Variants in PHEX observed in about 807,000 individuals in gnomAD.
PHEX encodes the protein phosphate regulating endopeptidase X-linked, also known as phosphate-regulating neutral endopeptidase PHEX.
In PHEX, 16 loss-of-function variants were observed where a neutral mutation model predicts 68.0. That is an observed-to-expected ratio of 0.24 (90% CI 0.16 to 0.36). The LOEUF (loss-of-function observed/expected upper bound fraction) is 0.36, where lower values mean the gene tolerates loss of function less well. Ranked by LOEUF, PHEX falls within the 10% of genes least tolerant of loss-of-function variation. The pLI, the probability that PHEX is intolerant of heterozygous loss-of-function variation, is 1.00. For synonymous variants in PHEX, 208 were observed against 205.1 expected (o/e 1.01, Z -0.12); for missense variants, 480 against 575.5 (o/e 0.83, Z 1.70).
In PHEX at chrX:22,047,191, A is replaced by G; in HGVS notation, c.329A>G (p.Asn110Ser). Residue 110 changes from asparagine to serine, a missense_variant, in exon 3 of 22, where the codon AAT becomes AGT. Asn to Ser is a conservative substitution (Grantham distance 46). Coordinates refer to ENST00000379374, the MANE Select transcript of PHEX (RefSeq NM_000444.6). ...SYGVYPWLRHNVDLKLKELLE... is the reference protein window; with the variant it reads ...SYGVYPWLRHSVDLKLKELLE... ...GGGGTTTATCCTTGGCTGAGACATA[A>G]TGTTGACCTCAAGTTGAAGGGTAAG... is the stretch of plus-strand genomic sequence containing the variant. The G allele has an allele frequency of 8.3e-7, 1 of 1,209,402 alleles. No homozygotes were observed. Among genetic ancestry groups the G allele is most frequent in the Non-Finnish European group, 1.1e-6 (1 of 893,331 alleles).
intron 21 of PHEX, among the ~76,000 whole-genome samples, chrX:22,245,888 C>T (rs1305233447): frequency 2.7e-5 from 3 of 111,847 alleles, no homozygotes; most frequent in East Asian, 2.8e-4. Flanking sequence ...AAACACCTAG[C>T]GCTCTGGTTT....
chrX:22,036,294 AG>A (rs1464303695), intron 1 of PHEX, among the ~76,000 whole-genome samples: 1 of 108,762 alleles, frequency 9.2e-6, no homozygotes, highest in Non-Finnish European at 1.9e-5. Context: ...TCCTGACCTC[AG>A]GTGATCCGCC....
chrX:22,061,190 C>T (rs778274913), intron 3 of PHEX, among the ~76,000 whole-genome samples: 4 of 111,998 alleles, frequency 3.6e-5, no homozygotes, highest in Non-Finnish European at 5.6e-5. Context: ...TAGAGAGATG[C>T]GTGAATCCCT....
chrX:22,193,135 A>G (rs1934255427), intron 15 of PHEX, among the ~76,000 whole-genome samples: 1 of 111,207 alleles, frequency 9.0e-6, no homozygotes, highest in African/African-American at 3.3e-5. Flanking sequence ...TTATATGGGA[A>G]CTTATGATAT....
At chrX:22,098,516 G>A (rs912806694) in intron 8 of PHEX, among the ~76,000 whole-genome samples, 3 of 107,688 alleles carry the variant, frequency 2.8e-5, no homozygotes, top group Non-Finnish European at 5.7e-5. Flanking sequence ...GCCGAGCATG[G>A]TGGCTCATAC....
intron 9 of PHEX, chrX:22,099,480 C>T (rs1190759323): frequency 2.9e-5 from 6 of 207,972 alleles, no homozygotes; most frequent in Middle Eastern, 1.6e-3. Context: ...CTTTTTTTTT[C>T]CCCAGTTCAT....
chrX:22,090,342 G>A (rs1929823599), intron 5 of PHEX, 87 bp from the exon 6 acceptor site: 2 of 720,762 alleles, frequency 2.8e-6, no homozygotes, highest in Admixed American at 4.5e-5. Context: ...AATATGGCTG[G>A]GATGCAGACG....
At chrX:22,118,198 G>A (rs1339038507) in intron 11 of PHEX, among the ~76,000 whole-genome samples, 2 of 84,711 alleles carry the variant, frequency 2.4e-5, no homozygotes, top group Non-Finnish European at 4.3e-5. Context: ...ATTTTAACAA[G>A]GTTTTTTTTT....
intron 14 of PHEX, among the ~76,000 whole-genome samples, chrX:22,181,482 G>C (rs1232568357): frequency 1.8e-5 from 2 of 111,737 alleles, no homozygotes; most frequent in East Asian, 5.6e-4. Context: ...GGTTACTATA[G>C]CTCTGTAGTA....
At chrX:22,159,207 G>T (rs1206376022) in intron 12 of PHEX, among the ~76,000 whole-genome samples, 1 of 113,712 alleles carries the variant, frequency 8.8e-6, no homozygotes, top group African/African-American at 3.2e-5. Context: ...CCTGTGTCAT[G>T]AATTGAGGCA....
At chrX:22,095,542 C>A (rs757818948) in intron 7 of PHEX, among the ~76,000 whole-genome samples, 1 of 112,068 alleles carries the variant, frequency 8.9e-6, no homozygotes, top group South Asian at 3.7e-4. Context: ...CAACTTGGGG[C>A]TGTGAGACTC....
At chrX:22,219,477 G>A (rs1935198294) in intron 17 of PHEX, among the ~76,000 whole-genome samples, 1 of 112,514 alleles carries the variant, frequency 8.9e-6, no homozygotes, top group Non-Finnish European at 1.9e-5. Context: ...CTGCTCCAAC[G>A]ATGATTATAC....
At chrX:22,176,402 A>AATATAT (rs1174350162) in intron 13 of PHEX, among the ~76,000 whole-genome samples, 14 of 57,833 alleles carry the variant, frequency 2.4e-4, no homozygotes, top group South Asian at 8.9e-4. Context: ...AAAAAAAAAA[A>AATATAT]ATATATATAT....
intron 9 of PHEX, among the ~76,000 whole-genome samples, chrX:22,102,939 G>A (rs1930496687): frequency 8.9e-6 from 1 of 111,742 alleles, no homozygotes; most frequent in Non-Finnish European, 1.9e-5. Flanking sequence ...ATCATATACA[G>A]GTAATGGTGA....
intron 3 of PHEX, among the ~76,000 whole-genome samples, chrX:22,067,308 C>T (rs1928651717): frequency 9.0e-6 from 1 of 110,778 alleles, no homozygotes; most frequent in Non-Finnish European, 1.9e-5. Flanking sequence ...GTCTTTCTGG[C>T]ATAGTGCTAA....
intron 5 of PHEX, among the ~76,000 whole-genome samples, chrX:22,088,445 T>C (rs1047220974): frequency 9.0e-6 from 1 of 111,596 alleles, no homozygotes; most frequent in African/African-American, 3.3e-5. Context: ...ACATGAGTGA[T>C]CCAACTTTTC....
intron 2 of PHEX, among the ~76,000 whole-genome samples, chrX:22,041,265 C>CTCTCTCTATATATATATA (rs1468778300): frequency 4.1e-5 from 3 of 72,819 alleles, no homozygotes; most frequent in African/African-American, 6.3e-5. Flanking sequence ...CTCTCTCTCT[C>CTCTCTCTATATATATATA]TATATATATA....
At chrX:22,177,569 T>C (rs1031393998) in intron 13 of PHEX, among the ~76,000 whole-genome samples, 13 of 112,028 alleles carry the variant, frequency 1.2e-4, no homozygotes, top group African/African-American at 3.6e-4. Context: ...CAATTATGTC[T>C]GTTTCCTTGT....
At chrX:22,153,395 C>T (rs188950097) in intron 12 of PHEX, among the ~76,000 whole-genome samples, 47 of 112,161 alleles carry the variant, frequency 4.2e-4, no homozygotes, top group African/African-American at 1.4e-3. Flanking sequence ...CCAGAATTCA[C>T]GCTGTTGTTC....
Sources: gnomAD v4.1 joint callset for allele counts (sites outside exome capture counted in the v4.1 genomes callset) on GRCh38, gnomAD v4.1.1 for gene constraint, MANE v1.5 for transcripts, NCBI Gene and HGNC (gene_info 2026-07-23, HGNC 2026-07-21) for gene names.